Variants in RNF213 observed in about 807,000 individuals in gnomAD.
The protein encoded by RNF213 is ring finger protein 213.
In RNF213, 341 loss-of-function variants were observed where a neutral mutation model predicts 514.4. The ratio of observed to expected loss-of-function variants is 0.66; its 90% CI spans 0.61 to 0.73. The LOEUF (loss-of-function observed/expected upper bound fraction) is 0.73, where lower values mean the gene tolerates loss of function less well. Ranked by LOEUF, RNF213 falls within the 30% of genes least tolerant of loss-of-function variation. RNF213 has a pLI of 0.00. For missense variants in RNF213, 5,767 were observed against 6,615.6 expected, an observed-to-expected ratio of 0.87 and a Z score of 4.45; for synonymous variants, 2,655 against 2,658.2, an observed-to-expected ratio of 1.00 and a Z score of 0.04.
At chr17:80,392,855 G>C (rs2080534236) in intron 67 of RNF213, among the ~76,000 whole-genome samples, 1 of 152,154 alleles carries the variant, frequency 6.6e-6, no homozygotes, top group South Asian at 2.1e-4. Flanking sequence ...CTCCCAAAGT[G>C]CTAGGATTAT....
At chr17:80,265,545 G>T (rs893097049) in intron 2 of RNF213, among the ~76,000 whole-genome samples, 3 of 152,200 alleles carry the variant, frequency 2.0e-5, no homozygotes, top group African/African-American at 7.2e-5. Flanking sequence ...CTGGCTGGTT[G>T]CCCCCAGCGT....
chr17:80,377,698 C>T lies in RNF213; in HGVS notation c.13511-64C>T. 2 of 1,578,824 alleles carry T rather than the reference C, an allele frequency of 1.3e-6. No homozygotes were observed. The highest frequency in any genetic ancestry group is 2.2e-5 in the East Asian group (1 of 44,746). On this transcript the variant is annotated intron_variant, in intron 53 of 67. Coordinates refer to ENST00000582970, the MANE Select transcript of RNF213 (RefSeq NM_001256071.3). This position sits in a 1 kb window ranked among gnomAD's most constrained non-coding sequence, Gnocchi z 4.1. ...GCCAGAGAGTAGAGAGTTAGCTTTC[C>T]CTTTTCAATGTGGGTCATTGGGTGA...
At chr17:80,390,236 GTTGTGCTGTCTCTCCTGTGA>G in intron 67 of RNF213, 40 bp downstream of exon 67, 1 of 1,592,490 alleles carries the variant, frequency 6.3e-7, no homozygotes, top group Non-Finnish European at 8.6e-7. Flanking sequence ...CAGACACAAT[GTTGTGCTGTCTCTCCTGTGA>G]TCTTCTATAG....
intron 3 of RNF213, among the ~76,000 whole-genome samples, chr17:80,273,879 CAA>C (rs934669799): frequency 6.6e-6 from 1 of 152,046 alleles, no homozygotes; most frequent in African/African-American, 2.4e-5. Context: ...CTCGGCCTCC[CAA>C]AGTGCTGGGA....
At position 80,395,588 on chromosome 17, in the gene RNF213, A is replaced by G. The variant is rs1200528278; in HGVS notation, c.*2090A>G. The G allele has an allele frequency of 6.6e-6, 1 of 152,246 alleles. No homozygotes were observed. Among genetic ancestry groups the G allele is most frequent in the East Asian group, 1.9e-4 (1 of 5,200 alleles). 9.4% of individuals were successfully genotyped at this position (152,246 alleles called of 1,614,324 possible). A position where few individuals can be genotyped will look rare whatever the true frequency, so the allele number is the denominator to read the frequency against. On this transcript the variant is annotated 3_prime_UTR_variant, in exon 68 of 68. Transcript: ENST00000582970. ...GAAACGCTTACACCTCTGCCTCAGAAGGAGTCCCCCATGCCCTGCCTGAAA... is the reference window on the plus strand; with the variant it reads ...GAAACGCTTACACCTCTGCCTCAGAGGGAGTCCCCCATGCCCTGCCTGAAA...
At position 80,393,598 on chromosome 17, in the gene RNF213, G is replaced by A; in HGVS notation, c.*100G>A. The A allele has an allele frequency of 1.5e-6, 2 of 1,337,384 alleles. No homozygotes were observed. Among genetic ancestry groups the A allele is most frequent in the Non-Finnish European group, 2.1e-6 (2 of 947,862 alleles). 82.8% of individuals were successfully genotyped at this position (1,337,384 alleles called of 1,614,324 possible). A position where few individuals can be genotyped will look rare whatever the true frequency, so the allele number is the denominator to read the frequency against. On this transcript the variant is annotated 3_prime_UTR_variant, in exon 68 of 68. Transcript: ENST00000582970. Reference sequence around the variant, plus strand: ...TCATGGACTGGTGCCTTTGCATTCAGAAGGAGAGCTGTCAGCGTAGCACCG... The same window carrying A: ...TCATGGACTGGTGCCTTTGCATTCAAAAGGAGAGCTGTCAGCGTAGCACCG...
chr17:80,288,027 G>A lies in RNF213; in HGVS notation c.474G>A (p.Leu158=), dbSNP rs751034926. The A allele has an allele frequency of 5.6e-6, 9 of 1,598,606 alleles. No homozygotes were observed. Among genetic ancestry groups the A allele is most frequent in the Non-Finnish European group, 7.7e-6 (9 of 1,173,100 alleles). Residue 158 remains leucine, a synonymous_variant, in exon 4 of 68, where the codon CTG becomes CTA. Coordinates refer to ENST00000582970, the MANE Select transcript of RNF213 (RefSeq NM_001256071.3). The surrounding 1 kb of genome is among the most constrained non-coding windows in gnomAD (Gnocchi z 4.9). The stretch of plus-strand genomic sequence containing the variant: ...CCCCAGGCACAGCCACCACGCCACT[G>A]GAGGGTGACGGCCTCTCCGCGCCCA... ...SQPPGTATTP[L]EGDGLSAPTE...
rs2080610489 is a variant in RNF213 at position 80,394,670 on chromosome 17, G to T, written c.*1172G>T. 1 of 152,156 alleles carries T rather than the reference G, an allele frequency of 6.6e-6. No individual in the cohort carries two copies. Among genetic ancestry groups the T allele is most frequent in the Non-Finnish European group, 1.5e-5 (1 of 68,046 alleles). 9.4% of individuals were successfully genotyped at this position (152,156 alleles called of 1,614,324 possible). A position where few individuals can be genotyped will look rare whatever the true frequency, so the allele number is the denominator to read the frequency against. ...TAACTTGAAATTGGGCCTAAGGAGT[G>T]AGAACTACAAAAATACAAAATGCTT... On this transcript the variant is annotated 3_prime_UTR_variant, in exon 68 of 68. Coordinates refer to ENST00000582970, the MANE Select transcript of RNF213 (RefSeq NM_001256071.3).
intron 14 of RNF213, among the ~76,000 whole-genome samples, chr17:80,311,166 C>T (rs1398767524): frequency 1.3e-5 from 2 of 152,160 alleles, no homozygotes; most frequent in African/African-American, 2.4e-5. Context: ...ATATTATGGA[C>T]AAAATACTCT....
intron 3 of RNF213, among the ~76,000 whole-genome samples, chr17:80,280,055 G>A (rs1331569879): frequency 6.6e-6 from 1 of 152,204 alleles, no homozygotes; most frequent in African/African-American, 2.4e-5. Flanking sequence ...TAGGTCTTAA[G>A]TGTAGGCAGA....
chr17:80,383,065 C>A lies in RNF213; in HGVS notation c.14065C>A (p.Leu4689Met). 6.2e-7 allele frequency: 1 copy of A among 1,611,742 alleles called. No homozygotes were observed. Among genetic ancestry groups the A allele is most frequent in the Non-Finnish European group, 8.5e-7 (1 of 1,177,890 alleles). Residue 4689 changes from leucine to methionine, a missense_variant, in exon 58 of 68, where the codon CTG (leucine) becomes ATG (methionine). Leu to Met is a conservative substitution (Grantham distance 15, BLOSUM62 2). This residue lies in a region of RNF213 where 1,245 missense variants were observed against 1,339.0 expected (regional missense o/e 0.93). Coordinates refer to ENST00000582970, the MANE Select transcript of RNF213 (RefSeq NM_001256071.3). ...AATCGCAGCTGTGATTTCTCCTGAA[C>A]TGGAGGTAAGCAGTAAGTGCTGACA... ...KEIAAVISPELEHLDKTLPTM... is the reference protein window; with the variant it reads ...KEIAAVISPEMEHLDKTLPTM...
At chr17:80,363,524 G>A (rs1428450658) in intron 40 of RNF213, 85 bp from the exon 41 acceptor site, 10 of 1,480,524 alleles carry the variant, frequency 6.8e-6, no homozygotes, top group Non-Finnish European at 9.4e-6. Context: ...TGGGACACAA[G>A]TATACATGCA....
intron 15 of RNF213, among the ~76,000 whole-genome samples, chr17:80,313,538 G>C (rs1397508979): frequency 6.8e-6 from 1 of 147,012 alleles, no homozygotes; most frequent in Non-Finnish European, 1.5e-5. Flanking sequence ...TGATGGTGAT[G>C]GTGGACGTAA....
At chr17:80,270,457 A>G (rs777536276) in intron 2 of RNF213, among the ~76,000 whole-genome samples, 155 of 152,206 alleles carry the variant, frequency 1.0e-3, no homozygotes, top group Middle Eastern at 3.4e-3. Flanking sequence ...TTCTCTGGCC[A>G]CTCACTGGCC....
Position 80,364,502 on chromosome 17 carries a change from C to G in RNF213, c.11820C>G (p.Arg3940=). 3 of 1,614,160 alleles carry G rather than the reference C, an allele frequency of 1.9e-6. No individual in the cohort carries two copies. The highest frequency in any genetic ancestry group is 2.5e-6 in the Non-Finnish European group (3 of 1,180,024). ...ACGTGCTCCTAGGAACCGAGAGCCG[C>G]GTCCCCGAGTTACAGGGGCTGGTGA... ...VEHVLLGTES[R]VPELQGLVTE... Residue 3940 remains arginine, a synonymous_variant, in exon 42 of 68, where the codon CGC becomes CGG. Coordinates refer to ENST00000582970, the MANE Select transcript of RNF213 (RefSeq NM_001256071.3).
intron 13 of RNF213, among the ~76,000 whole-genome samples, chr17:80,307,640 C>T (rs2045415851): frequency 6.7e-6 from 1 of 149,044 alleles, no homozygotes; most frequent in Admixed American, 6.7e-5. Flanking sequence ...ACCTCTGCTT[C>T]CCAGGTTCAA....
chr17:80,307,203 T>G lies in RNF213; in HGVS notation c.2501+2T>G, dbSNP rs1294961924. On this transcript the variant is annotated splice_donor_variant, in intron 13 of 67. Transcript: ENST00000582970. LOFTEE classifies it high-confidence loss of function. ...ACTCCTGGACACTTACCGGGACAAG[T>G]AAGTGGAAAGCACGATGCAGTCTCT... is the stretch of plus-strand genomic sequence containing the variant. 1 of 1,613,754 alleles carries G rather than the reference T, an allele frequency of 6.2e-7. No homozygotes were observed. Among genetic ancestry groups the G allele is most frequent in the East Asian group, 2.2e-5 (1 of 44,866 alleles).
At chr17:80,266,118 T>G (rs958789660) in intron 2 of RNF213, among the ~76,000 whole-genome samples, 1 of 151,910 alleles carries the variant, frequency 6.6e-6, no homozygotes, top group Non-Finnish European at 1.5e-5. Context: ...CTCTGAGTCT[T>G]TGTTTGGTTG....
intron 3 of RNF213, among the ~76,000 whole-genome samples, chr17:80,283,643 T>G (rs980304342): frequency 2.3e-4 from 35 of 152,178 alleles, no homozygotes; most frequent in Admixed American, 2.2e-3. Flanking sequence ...TGCTGGCAGC[T>G]GTTCCTAAGG....
Sources: gnomAD v4.1 joint callset for allele counts (sites outside exome capture counted in the v4.1 genomes callset) on GRCh38, gnomAD v4.1.1 for gene constraint, gnomAD v4.1.1 regional missense constraint, Gnocchi (gnomAD v3.1) non-coding constraint, MANE v1.5 for transcripts, NCBI Gene and HGNC (gene_info 2026-07-23, HGNC 2026-07-21) for gene names.